SUCO: variants seen among roughly 807,000 people sequenced by gnomAD.
The protein encoded by SUCO is SUN domain containing ossification factor, also known as SUN domain-containing ossification factor.
In SUCO, 57 loss-of-function variants were observed where a neutral mutation model predicts 148.1. The observed-to-expected ratio is 0.38, with a 90% CI of 0.31 to 0.48. SUCO has a LOEUF of 0.48. Ranked by LOEUF, SUCO falls within the 20% of genes least tolerant of loss-of-function variation. The pLI is 0.96. For missense variants in SUCO, 1,331 were observed against 1,468.2 expected (o/e 0.91, Z 1.53); for synonymous variants, 470 against 502.7 (o/e 0.93, Z 0.87).
intron 12 of SUCO, 73 bp downstream of exon 12, chr1:172,577,632 G>A (rs1264042237): frequency 1.2e-5 from 19 of 1,586,152 alleles, no homozygotes; most frequent in East Asian, 1.1e-4. Context: ...AACTTTACAA[G>A]TATTGATTTT....
chr1:172,599,890 C>T lies in SUCO; in HGVS notation c.2914-174C>T, dbSNP rs73034055. 6.2e-3 allele frequency among the ~76,000 whole-genome samples: 941 copies of T among 152,074 alleles called. 8 individuals carry two copies. Among genetic ancestry groups the T allele is most frequent in the African/African-American group, 0.021 (852 of 41,484 alleles). On this transcript the variant is annotated intron_variant, in intron 19 of 23. Coordinates refer to ENST00000263688, the MANE Select transcript of SUCO (RefSeq NM_014283.5). ...GGGTTAGACACGGTCCCAGATACTTCGTGTTTTGTTTATTTCTAAAATTTC... is the reference window on the plus strand; with the variant it reads ...GGGTTAGACACGGTCCCAGATACTTTGTGTTTTGTTTATTTCTAAAATTTC...
In SUCO at chr1:172,597,793, G is replaced by C. The variant is rs138916462; in HGVS notation, c.2914-2271G>C. 1.3e-3 allele frequency among the ~76,000 whole-genome samples: 192 copies of C among 152,258 alleles called. 1 individual carries two copies. Among genetic ancestry groups the C allele is most frequent in the African/African-American group, 4.4e-3 (182 of 41,546 alleles). ...AGGTTATTTGGGTCTCGGGGATGGT[G>C]AAGTGAGGAGGCCTTATACTGCGGA... On this transcript the variant is annotated intron_variant, in intron 19 of 23. Coordinates refer to ENST00000263688, the MANE Select transcript of SUCO (RefSeq NM_014283.5).
In SUCO at chr1:172,611,503, T is replaced by G. The variant is rs1289647222; in HGVS notation, c.*1244T>G. Reference sequence around the variant, plus strand: ...TGAGCACTTTTAGTAGTGATAACTGTTTTTAAACTTGCCTAATACCTTTCT... The same window carrying G: ...TGAGCACTTTTAGTAGTGATAACTGGTTTTAAACTTGCCTAATACCTTTCT... On this transcript the variant is annotated 3_prime_UTR_variant, in exon 24 of 24. Transcript: ENST00000263688. 2 of 152,652 alleles carry G rather than the reference T, an allele frequency of 1.3e-5. No homozygotes were observed. The highest frequency in any genetic ancestry group is 1.3e-4 in the Admixed American group (2 of 15,282). The allele number at this position is 152,652 out of a possible 1,614,324, so 9.5% of individuals were successfully genotyped here.
chr1:172,586,036 G>A (rs1656215595), intron 17 of SUCO, 88 bp downstream of exon 17: 1 of 831,286 alleles, frequency 1.2e-6, no homozygotes, highest in African/African-American at 1.7e-5. Context: ...TGATTTGTGT[G>A]TGAAATGATT....
chr1:172,577,082 A>G (rs1462967887), intron 11 of SUCO: 7 of 665,084 alleles, frequency 1.1e-5, no homozygotes, highest in African/African-American at 2.0e-5. Context: ...TCATTCCATA[A>G]TGGACTGTTA....
intron 15 of SUCO, among the ~76,000 whole-genome samples, chr1:172,579,945 TAAA>T (rs1392135476): frequency 6.6e-6 from 1 of 152,182 alleles, no homozygotes; most frequent in African/African-American, 2.4e-5. Flanking sequence ...TCAAATTTAA[TAAA>T]AACAAATCTT....
At chr1:172,575,957 T>C (rs960598333) in intron 11 of SUCO, among the ~76,000 whole-genome samples, 1 of 151,890 alleles carries the variant, frequency 6.6e-6, no homozygotes, top group Non-Finnish European at 1.5e-5. Context: ...TGCTGGTCAC[T>C]GAAGTCTTTA....
intron 6 of SUCO, among the ~76,000 whole-genome samples, chr1:172,562,397 G>A (rs1284628605): frequency 6.7e-6 from 1 of 149,638 alleles, no homozygotes; most frequent in Non-Finnish European, 1.5e-5. Flanking sequence ...GCAGTGGTGC[G>A]ATCTCTGCTC....
chr1:172,579,340 T>C, intron 15 of SUCO, 73 bp downstream of exon 15: 1 of 947,412 alleles, frequency 1.1e-6, no homozygotes, highest in Non-Finnish European at 1.7e-6. Context: ...TTTGTCATGG[T>C]ATGGTTGAGG....
chr1:172,547,610 C>T lies in SUCO; in HGVS notation c.63-3902C>T, dbSNP rs557252346. ...TATTTAAAAAGAAAGGGGACTGTAGCCTTCAAAAATGTTAGTGCCACATAA... is the reference window on the plus strand; with the variant it reads ...TATTTAAAAAGAAAGGGGACTGTAGTCTTCAAAAATGTTAGTGCCACATAA... On this transcript the variant is annotated intron_variant, in intron 1 of 23. Transcript: ENST00000263688. Among the ~76,000 whole-genome samples, 6 of 152,172 alleles carry T rather than the reference C, an allele frequency of 3.9e-5. No individual in the cohort carries two copies. The South Asian group carries it at 1.2e-3, about 32-fold the overall frequency.
In SUCO at chr1:172,562,339, T is replaced by A. The variant is rs545840829; in HGVS notation, c.732+4545T>A. Reference sequence around the variant, plus strand: ...ATTGGGTTTTAACATTTTTTTTTTTTTTTTTTTTATTTTGAGATGGAGTCT... The same window carrying A: ...ATTGGGTTTTAACATTTTTTTTTTTATTTTTTTTATTTTGAGATGGAGTCT... On this transcript the variant is annotated intron_variant, in intron 6 of 23. Coordinates refer to ENST00000263688, the MANE Select transcript of SUCO (RefSeq NM_014283.5). 2.2e-4 allele frequency among the ~76,000 whole-genome samples: 33 copies of A among 150,674 alleles called. No individual in the cohort carries two copies. The East Asian group carries it at 5.0e-3, about 23-fold the overall frequency.
chr1:172,575,603 A>T lies in SUCO; in HGVS notation c.1243A>T (p.Met415Leu), dbSNP rs1655376423. ...ACAGAGTTTCCCTTTAGATGAACAG[A>T]TGTATGCAAAATATGTCAAGGTAAT... ...NVQSFPLDEQ[M>L]YAKYVKMFIK... Residue 415 changes from methionine (M) to leucine (L), a missense_variant, in exon 11 of 24, where the codon ATG becomes TTG. Coordinates refer to ENST00000263688, the MANE Select transcript of SUCO (RefSeq NM_014283.5). The T allele has an allele frequency of 6.2e-7, 1 of 1,609,646 alleles. No individual in the cohort carries two copies. The highest frequency in any genetic ancestry group is 1.3e-5 in the African/African-American group (1 of 74,810).
chr1:172,550,856 T>C (rs1309875925), intron 1 of SUCO: 1 of 970,762 alleles, frequency 1.0e-6, no homozygotes, highest in Non-Finnish European at 1.2e-6. Context: ...TCCTTGATAT[T>C]TTTGCATAGC....
intron 6 of SUCO, among the ~76,000 whole-genome samples, chr1:172,565,583 T>C (rs1444944900): frequency 6.6e-6 from 1 of 152,148 alleles, no homozygotes; most frequent in Non-Finnish European, 1.5e-5. Context: ...AAAACCCTAG[T>C]GCACCCCGGG....
In SUCO at chr1:172,589,230, A is replaced by T; in HGVS notation, c.2129A>T (p.Asp710Val). 1 of 1,613,870 alleles carries T rather than the reference A, an allele frequency of 6.2e-7. No homozygotes were observed. The highest frequency in any genetic ancestry group is 8.5e-7 in the Non-Finnish European group (1 of 1,179,830). Residue 710 changes from aspartate to valine, a missense_variant, in exon 18 of 24, where the codon GAC becomes GTC. Physicochemically the swap from Asp to Val is radical, Grantham distance 152. Around this residue, in one of 3 missense-constraint regions of SUCO, gnomAD observed 992 missense variants for 1,093.5 expected, o/e 0.91. Transcript: ENST00000263688. ...TTAAGTAGTAGTATGCACCAGGATG[A>T]CTTGGTGAATCACACTGTAGATGCA... is the stretch of plus-strand genomic sequence containing the variant. ...GDLSSSMHQD[D>V]LVNHTVDAVE...
intron 9 of SUCO, among the ~76,000 whole-genome samples, chr1:172,571,199 C>T (rs1031756510): frequency 1.3e-5 from 2 of 150,626 alleles, no homozygotes; most frequent in African/African-American, 4.8e-5. Context: ...CCTGCGATTG[C>T]AGGCGCGCGC....
At chr1:172,533,120 G>T, upstream of SUCO, 1 of 1,429,976 alleles carries the variant, frequency 7.0e-7, no homozygotes, top group Non-Finnish European at 9.1e-7. Context: ...CTGGCCTCAC[G>T]GAGCAAGGCC....
chr1:172,599,354 C>T (rs1657349906), intron 19 of SUCO: 1 of 522,598 alleles, frequency 1.9e-6, no homozygotes, highest in Admixed American at 6.4e-5. Context: ...TTGAAATTTT[C>T]AGTTAAAGTC....
Position 172,588,835 on chromosome 1 carries a change from A to G in SUCO, c.1734A>G (p.Val578=). ...TPDTPKESPI[V]QLVQEEEEEA... ...ATACTCCAAAAGAGAGTCCCATTGT[A>G]CAGTTAGTTCAAGAGGAGGAAGAGG... The change falls in exon 18 of 24, where the codon GTA becomes GTG. Residue 578 remains valine, a synonymous_variant. Coordinates refer to ENST00000263688, the MANE Select transcript of SUCO (RefSeq NM_014283.5). The G allele has an allele frequency of 1.2e-6, 2 of 1,611,108 alleles. No homozygotes were observed. The highest frequency in any genetic ancestry group is 1.7e-6 in the Non-Finnish European group (2 of 1,178,586).
Sources: allele counts gnomAD v4.1 joint callset (sites outside exome capture counted in the v4.1 genomes callset), GRCh38; gene constraint gnomAD v4.1.1; regional missense constraint gnomAD v4.1.1; transcripts MANE v1.5; gene names NCBI Gene and HGNC (gene_info 2026-07-23, HGNC 2026-07-21).